MSANTD2: variants seen among roughly 807,000 people sequenced by gnomAD.
The protein encoded by MSANTD2 is Myb/SANT DNA binding domain containing 2.
Under a neutral mutation model 52.6 loss-of-function variants are expected in MSANTD2, and 19 were observed. That is an observed-to-expected ratio of 0.36 (90% CI 0.25 to 0.53). The LOEUF (loss-of-function observed/expected upper bound fraction) is 0.53. Among genes scored for constraint, MSANTD2 ranks in the 20% least tolerant of loss-of-function variants. The pLI, the probability that MSANTD2 is intolerant of heterozygous loss-of-function variation, is 0.91. For missense variants in MSANTD2, 558 were observed against 716.3 expected (o/e 0.78, Z 2.52); for synonymous variants, 291 against 289.7 (o/e 1.00, Z -0.04).
chr11:124,783,409 C>A (rs1363826659), intron 1 of MSANTD2, among the ~76,000 whole-genome samples: 1 of 152,118 alleles, frequency 6.6e-6, no homozygotes, highest in Non-Finnish European at 1.5e-5. Flanking sequence ...TCGCTTGAGG[C>A]CAGGAGTTCT....
At chr11:124,786,498 CA>C (rs1353030302) in intron 1 of MSANTD2, among the ~76,000 whole-genome samples, 2 of 152,112 alleles carry the variant, frequency 1.3e-5, no homozygotes, top group Admixed American at 1.3e-4. Flanking sequence ...CTTTTACTGT[CA>C]AAAAGTAATT....
chr11:124,769,657 T>G (rs1205275296), intron 3 of MSANTD2, among the ~76,000 whole-genome samples: 1 of 152,208 alleles, frequency 6.6e-6, no homozygotes, highest in East Asian at 1.9e-4. Context: ...TGACATATAG[T>G]AGGCACTTGA....
chr11:124,782,428 G>A (rs775116495), intron 1 of MSANTD2, among the ~76,000 whole-genome samples: 10 of 152,038 alleles, frequency 6.6e-5, no homozygotes, highest in Non-Finnish European at 1.2e-4. Flanking sequence ...CTCCAGCTTG[G>A]GCAACAGAGT....
At chr11:124,772,484 T>A (rs1944562585) in intron 3 of MSANTD2, among the ~76,000 whole-genome samples, 2 of 152,096 alleles carry the variant, frequency 1.3e-5, no homozygotes, top group African/African-American at 4.8e-5. Flanking sequence ...GCGCCTGTAA[T>A]CCCAGCACTT....
At chr11:124,787,975 G>A (rs926370994) in intron 1 of MSANTD2, among the ~76,000 whole-genome samples, 3 of 151,628 alleles carry the variant, frequency 2.0e-5, no homozygotes, top group African/African-American at 7.3e-5. Context: ...CATGCCTGTA[G>A]GCCCAGCTAC....
chr11:124,793,683 T>C (rs973049793), intron 1 of MSANTD2, among the ~76,000 whole-genome samples: 6 of 152,346 alleles, frequency 3.9e-5, no homozygotes, highest in African/African-American at 1.4e-4. Context: ...ATCATCACAA[T>C]AAATTCTATT....
At chr11:124,798,575 T>G (rs1053205067) in intron 1 of MSANTD2, among the ~76,000 whole-genome samples, 3 of 152,174 alleles carry the variant, frequency 2.0e-5, no homozygotes, top group Non-Finnish European at 2.9e-5. Context: ...GCAAATTCCT[T>G]GAACAATAGT....
intron 1 of MSANTD2, chr11:124,790,324 T>C (rs1945292020): frequency 6.6e-6 from 1 of 152,230 alleles, no homozygotes; most frequent in African/African-American, 2.4e-5. Flanking sequence ...GGTATTTCAG[T>C]TGGTTTTCCT....
intron 3 of MSANTD2, among the ~76,000 whole-genome samples, chr11:124,771,640 C>T (rs1944526081): frequency 6.6e-6 from 1 of 152,170 alleles, no homozygotes; most frequent in Admixed American, 6.5e-5. Context: ...CATGGTGACG[C>T]GCCTGTAGTC....
chr11:124,774,180 T>A lies in MSANTD2; in HGVS notation c.766+539A>T, dbSNP rs528062696. ...ATGATCACACAGTTCAAATAACAGC[T>A]CTATTCAAGATAAATGGAGGCTTCC... On this transcript the variant is annotated intron_variant, in intron 2 of 3. Transcript: ENST00000374979. This position sits in a 1 kb window ranked among gnomAD's most constrained non-coding sequence, Gnocchi z 5.1. Among the ~76,000 whole-genome samples, 6 of 152,300 alleles carry A rather than the reference T, an allele frequency of 3.9e-5. No homozygotes were observed. The East Asian group carries it at 1.2e-3, about 29-fold the overall frequency.
chr11:124,774,877 C>T lies in MSANTD2; in HGVS notation c.608G>A (p.Gly203Glu). The change falls in exon 2 of 4, where the codon GGA (glycine) becomes GAA (glutamate). Residue 203 changes from glycine (G) to glutamate (E), a missense_variant. Around this residue, in one of 2 missense-constraint regions of MSANTD2, gnomAD observed 408 missense variants for 573.6 expected, o/e 0.71. Transcript: ENST00000374979. This position sits in a 1 kb window ranked among gnomAD's most constrained non-coding sequence, Gnocchi z 5.1. ...FEQLEQVFGQ[G>E]GWDAQPCQPV... ...CTGGCAGGGCTGAGCATCCCATCCTCCCTGACCAAACACCTGTTCCAACTG... is the reference window on the plus strand; with the variant it reads ...CTGGCAGGGCTGAGCATCCCATCCTTCCTGACCAAACACCTGTTCCAACTG... 6.2e-7 allele frequency: 1 copy of T among 1,613,432 alleles called. No individual in the cohort carries two copies. Among genetic ancestry groups the T allele is most frequent in the Non-Finnish European group, 8.5e-7 (1 of 1,179,984 alleles).
chr11:124,780,421 T>C (rs899272229), intron 1 of MSANTD2, among the ~76,000 whole-genome samples: 2 of 152,230 alleles, frequency 1.3e-5, no homozygotes, highest in Admixed American at 6.5e-5. Flanking sequence ...AAGAAAAATG[T>C]AGCAAACTTG....
intron 1 of MSANTD2, chr11:124,791,406 C>CT: frequency 1.5e-6 from 2 of 1,335,678 alleles, no homozygotes; most frequent in African/African-American, 2.9e-5. Context: ...AACCTTAGAA[C>CT]TCAGTGTACA....
At chr11:124,784,373 T>A in intron 1 of MSANTD2, 1 of 985,204 alleles carries the variant, frequency 1.0e-6, no homozygotes, top group Non-Finnish European at 1.2e-6. Flanking sequence ...AAGAAAATTA[T>A]CTAAAATATT....
intron 1 of MSANTD2, chr11:124,784,584 A>G: frequency 1.0e-6 from 1 of 985,272 alleles, no homozygotes; most frequent in Non-Finnish European, 1.2e-6. Flanking sequence ...ACCAATGTTT[A>G]AAAGGGAGAC....
chr11:124,782,646 T>A (rs759804897), intron 1 of MSANTD2, among the ~76,000 whole-genome samples: 10 of 152,186 alleles, frequency 6.6e-5, no homozygotes, highest in Admixed American at 3.3e-4. Flanking sequence ...AAGAAGTTAT[T>A]TCACTAGATT....
At chr11:124,789,608 A>G (rs1334937176) in intron 1 of MSANTD2, 3 of 152,220 alleles carry the variant, frequency 2.0e-5, no homozygotes, top group African/African-American at 7.2e-5. Context: ...GTGAAAAGGT[A>G]ACACTCACTT....
Position 124,800,151 on chromosome 11 carries a change from G to T in MSANTD2, c.230C>A (p.Ser77Ter). 1 of 1,473,848 alleles carries T rather than the reference G, an allele frequency of 6.8e-7. No individual in the cohort carries two copies. The highest frequency in any genetic ancestry group is 8.9e-7 in the Non-Finnish European group (1 of 1,120,654). The allele number at this position is 1,473,848 out of a possible 1,614,324, so 91.3% of individuals were successfully genotyped here. ...ACCAGGGGAGAAGGAGACCGAGGAC[G>T]AGGCGGCGCTGCGGCCCCCCAGCCC... ...GLGLGGRSAASSSVSFSPGGG... is the reference protein window; with the variant it reads ...GLGLGGRSAA The change falls in exon 1 of 4, where the codon TCG becomes TAG. Residue 77 changes from serine (S) to a stop codon, truncating the protein, a stop_gained. Transcript: ENST00000374979. LOFTEE classifies it high-confidence loss of function. The surrounding 1 kb of genome is among the most constrained non-coding windows in gnomAD (Gnocchi z 4.3).
Position 124,767,275 on chromosome 11 carries a change from G to A in MSANTD2, c.1581C>T (p.Tyr527=). Residue 527 remains tyrosine, a synonymous_variant, in exon 4 of 4, where the codon TAC becomes TAT. Coordinates refer to ENST00000374979, the MANE Select transcript of MSANTD2 (RefSeq NM_001308027.2). The surrounding 1 kb of genome is among the most constrained non-coding windows in gnomAD (Gnocchi z 6.5). ...CCCTCTCTACTTCTACAAATTTGATGTAGATGGATTTGGGGGAAACTCCGG... is the reference window on the plus strand; with the variant it reads ...CCCTCTCTACTTCTACAAATTTGATATAGATGGATTTGGGGGAAACTCCGG... The part of the protein sequence containing the change: ...VDPGVSPKSI[Y]IKFVEVERDF... 1 of 1,614,190 alleles carries A rather than the reference G, an allele frequency of 6.2e-7. No homozygotes were observed. Among genetic ancestry groups the A allele is most frequent in the South Asian group, 1.1e-5 (1 of 91,078 alleles).
Sources: gnomAD v4.1 joint callset for allele counts (sites outside exome capture counted in the v4.1 genomes callset) on GRCh38, gnomAD v4.1.1 for gene constraint, gnomAD v4.1.1 regional missense constraint, Gnocchi (gnomAD v3.1) non-coding constraint, MANE v1.5 for transcripts, NCBI Gene and HGNC (gene_info 2026-07-23, HGNC 2026-07-21) for gene names.